The following EHBP1 variants were observed in gnomAD, a reference collection of about 807,000 sequenced individuals.
EHBP1 encodes the protein EH domain-binding protein 1.
EHBP1 carries 55 observed loss-of-function variants against 144.0 expected under a neutral mutation model. The observed-to-expected ratio is 0.38, with a 90% CI of 0.31 to 0.48. The LOEUF (loss-of-function observed/expected upper bound fraction) is 0.48. Among genes scored for constraint, EHBP1 ranks in the 20% least tolerant of loss-of-function variants. The pLI is 0.98. For missense variants in EHBP1, 1,200 were observed against 1,364.2 expected, an observed-to-expected ratio of 0.88 and a Z score of 1.90; for synonymous variants, 469 against 472.7, an observed-to-expected ratio of 0.99 and a Z score of 0.10.
intron 21 of EHBP1, among the ~76,000 whole-genome samples, chr2:63,043,570 T>G (rs1192282213): frequency 6.6e-6 from 1 of 152,216 alleles, no homozygotes; most frequent in Non-Finnish European, 1.5e-5. Context: ...CTTTATTGCA[T>G]GATGATGCAT....
intron 10 of EHBP1, among the ~76,000 whole-genome samples, chr2:62,901,564 G>T (rs1326607712): frequency 6.6e-6 from 1 of 152,008 alleles, no homozygotes; most frequent in Non-Finnish European, 1.5e-5. Context: ...AAAAAAAAGG[G>T]AGGCTGCATT....
At chr2:62,729,643 A>G (rs1273369945) in intron 2 of EHBP1, among the ~76,000 whole-genome samples, 1 of 142,084 alleles carries the variant, frequency 7.0e-6, no homozygotes, top group Non-Finnish European at 1.5e-5. Flanking sequence ...ATAAAATAAT[A>G]TAATATAATA....
chr2:62,748,809 G>A (rs368364171), intron 3 of EHBP1, among the ~76,000 whole-genome samples: 2 of 152,062 alleles, frequency 1.3e-5, no homozygotes, highest in East Asian at 3.9e-4. Context: ...ACAATTTTCT[G>A]TATTTAAAAT....
chr2:62,982,611 AAG>A (rs2059019877), intron 15 of EHBP1, among the ~76,000 whole-genome samples: 1 of 152,152 alleles, frequency 6.6e-6, no homozygotes, highest in Admixed American at 6.5e-5. Context: ...GTGTGAAAGG[AAG>A]AGAGAGAAAT....
chr2:62,730,296 C>A (rs551047853), intron 2 of EHBP1, among the ~76,000 whole-genome samples: 1 of 152,146 alleles, frequency 6.6e-6, no homozygotes, highest in South Asian at 2.1e-4. Context: ...TGAAATCTCT[C>A]CCTCACTCCC....
At chr2:62,816,449 G>A (rs1240991890) in intron 5 of EHBP1, among the ~76,000 whole-genome samples, 2 of 152,126 alleles carry the variant, frequency 1.3e-5, no homozygotes, top group African/African-American at 4.8e-5. Flanking sequence ...GAAGCTCTTT[G>A]GAGTTCTCAA....
chr2:62,719,593 G>A lies in EHBP1; in HGVS notation c.104+12298G>A, dbSNP rs568478390. 1.2e-4 allele frequency among the ~76,000 whole-genome samples: 19 copies of A among 152,220 alleles called. 1 individual carries two copies. In the South Asian group the frequency reaches 3.7e-3, roughly 30 times the overall value. On this transcript the variant is annotated intron_variant, in intron 2 of 22. Transcript: ENST00000431489. The stretch of plus-strand genomic sequence containing the variant: ...ATAGTTGGTCCTCTCTGTATCTATG[G>A]GTTCTGCATCTATGGATTCAACCAA...
At chr2:62,950,958 T>C (rs2057344681) in intron 13 of EHBP1, among the ~76,000 whole-genome samples, 3 of 152,222 alleles carry the variant, frequency 2.0e-5, no homozygotes, top group Admixed American at 1.3e-4. Context: ...GTGCTGAGAT[T>C]ACAGGTGTGA....
chr2:62,884,860 A>G (rs1180752204), intron 10 of EHBP1, among the ~76,000 whole-genome samples: 3 of 152,344 alleles, frequency 2.0e-5, no homozygotes, highest in Admixed American at 1.3e-4. Context: ...TACATTTAGT[A>G]TACGATATTC....
At chr2:62,705,306 T>C (rs1371920101), upstream of EHBP1, among the ~76,000 whole-genome samples, 1 of 151,902 alleles carries the variant, frequency 6.6e-6, no homozygotes, top group Non-Finnish European at 1.5e-5. Flanking sequence ...GAAGCCAATC[T>C]CTAGGTCTGC....
At chr2:62,918,873 C>T (rs2054846177) in intron 10 of EHBP1, among the ~76,000 whole-genome samples, 1 of 152,064 alleles carries the variant, frequency 6.6e-6, no homozygotes, top group African/African-American at 2.4e-5. Flanking sequence ...AATCTCTCTC[C>T]CAACCGAGAC....
At chr2:62,942,217 T>C (rs2056797525) in intron 10 of EHBP1, among the ~76,000 whole-genome samples, 2 of 152,192 alleles carry the variant, frequency 1.3e-5, no homozygotes, top group Non-Finnish European at 2.9e-5. Flanking sequence ...ATGGTTATCA[T>C]TGTGCTATTT....
chr2:62,955,696 T>G (rs1200569688), intron 14 of EHBP1, 36 bp downstream of exon 14: 1 of 1,574,224 alleles, frequency 6.4e-7, no homozygotes, highest in Non-Finnish European at 8.6e-7. Context: ...CATAAGTTGT[T>G]CATTGTAATC....
intron 9 of EHBP1, among the ~76,000 whole-genome samples, chr2:62,869,735 T>G (rs927964572): frequency 8.5e-5 from 13 of 152,222 alleles, no homozygotes; most frequent in Non-Finnish European, 1.5e-4. Context: ...CTTGCATGCA[T>G]GCATAAAAAA....
At chr2:62,879,575 A>G (rs2051200480) in intron 10 of EHBP1, among the ~76,000 whole-genome samples, 1 of 151,688 alleles carries the variant, frequency 6.6e-6, no homozygotes, top group African/African-American at 2.4e-5. Context: ...ACACACACAC[A>G]CACACACACA....
At chr2:62,844,565 C>T (rs1274573433) in intron 7 of EHBP1, among the ~76,000 whole-genome samples, 1 of 152,070 alleles carries the variant, frequency 6.6e-6, no homozygotes, top group South Asian at 2.1e-4. Context: ...TACTGGCAGT[C>T]ACACAGTGCT....
chr2:62,754,435 G>GT (rs569748448), intron 3 of EHBP1, among the ~76,000 whole-genome samples: 72 of 152,306 alleles, frequency 4.7e-4, no homozygotes, highest in Non-Finnish European at 7.4e-4. Flanking sequence ...GCTACTCGGG[G>GT]TTTAGGGACC....
At chr2:62,897,212 A>G (rs1032834857) in intron 10 of EHBP1, among the ~76,000 whole-genome samples, 2 of 152,142 alleles carry the variant, frequency 1.3e-5, no homozygotes, top group African/African-American at 4.8e-5. Flanking sequence ...CATCCTATAA[A>G]CACTGGTCTG....
At chr2:62,835,830 C>T (rs566223797) in intron 7 of EHBP1, among the ~76,000 whole-genome samples, 1,932 of 152,264 alleles carry the variant, frequency 0.013, 49 homozygotes, top group African/African-American at 0.044. Flanking sequence ...ACACCTGGCT[C>T]GGAGGGTCCT....
Sources: allele counts gnomAD v4.1 joint callset (sites outside exome capture counted in the v4.1 genomes callset), GRCh38; gene constraint gnomAD v4.1.1; transcripts MANE v1.5; gene names NCBI Gene and HGNC (gene_info 2026-07-23, HGNC 2026-07-21).